CIB2: variants seen among roughly 807,000 people sequenced by gnomAD.
CIB2 encodes calcium and integrin binding family member 2.
CIB2 carries 19 observed loss-of-function variants against 23.1 expected under a neutral mutation model. The ratio of observed to expected loss-of-function variants is 0.82; its 90% CI spans 0.57 to 1.21. The LOEUF is 1.21. CIB2 is among the 50% of genes most tolerant of loss of function. The pLI is 0.00. For missense variants in CIB2, 220 were observed against 241.5 expected (o/e 0.91, Z 0.59); for synonymous variants, 94 against 91.7 (o/e 1.03, Z -0.14).
chr15:78,130,228 G>A (rs140710969), intron 1 of CIB2, among the ~76,000 whole-genome samples: 286 of 150,406 alleles, frequency 1.9e-3, no homozygotes, highest in African/African-American at 7.0e-3. Context: ...GACTTGAAGG[G>A]TGAAAGAGAT....
chr15:78,112,288 T>A (rs962561340), intron 2 of CIB2, among the ~76,000 whole-genome samples: 6 of 152,192 alleles, frequency 3.9e-5, no homozygotes, highest in African/African-American at 1.4e-4. Context: ...CATTGTGAGC[T>A]GCATGTGGTG....
chr15:78,120,530 A>G (rs1427623039), intron 2 of CIB2: 4 of 985,144 alleles, frequency 4.1e-6, no homozygotes, highest in Non-Finnish European at 4.8e-6. Flanking sequence ...GCACAGCCTA[A>G]TTAGGGCACA....
intron 1 of CIB2, among the ~76,000 whole-genome samples, chr15:78,126,892 T>C (rs934921393): frequency 4.6e-5 from 7 of 152,220 alleles, no homozygotes; most frequent in African/African-American, 1.4e-4. Flanking sequence ...GTAGTGAATA[T>C]GGCAGGTGTT....
intron 5 of CIB2, 27 bp downstream of exon 5, chr15:78,105,712 C>T (rs990957606): frequency 1.2e-6 from 2 of 1,613,498 alleles, no homozygotes; most frequent in African/African-American, 2.7e-5. Flanking sequence ...CTGCCCTGCC[C>T]AAGCCCGGCC....
intron 2 of CIB2, among the ~76,000 whole-genome samples, chr15:78,122,185 G>C (rs1361788976): frequency 1.3e-5 from 2 of 152,246 alleles, no homozygotes; most frequent in African/African-American, 2.4e-5. Flanking sequence ...TAGCACTAGG[G>C]TGGCAGGGTG....
At chr15:78,123,822 A>T in intron 1 of CIB2, 83 bp from the exon 2 acceptor site, 1 of 1,489,338 alleles carries the variant, frequency 6.7e-7, no homozygotes, top group South Asian at 1.1e-5. Context: ...CACAGGGCTC[A>T]CAGGGGATAG....
chr15:78,109,954 T>C (rs2141888876), intron 3 of CIB2, among the ~76,000 whole-genome samples: 1 of 152,124 alleles, frequency 6.6e-6, no homozygotes. Context: ...TAGGGCTCTG[T>C]CCCCAGCAGA....
chr15:78,111,260 A>C lies in CIB2; in HGVS notation c.103T>G (p.Tyr35Asp). 1 of 1,614,042 alleles carries C rather than the reference A, an allele frequency of 6.2e-7. No homozygotes were observed. Among genetic ancestry groups the C allele is most frequent in the East Asian group, 2.2e-5 (1 of 44,876 alleles). Residue 35 changes from tyrosine (Y) to aspartate (D), a missense_variant, in exon 3 of 6, where the codon TAT becomes GAT. By Grantham distance (160) the Tyr-to-Asp change is radical. Coordinates refer to ENST00000258930, the MANE Select transcript of CIB2 (RefSeq NM_006383.4). ...GGGACGAGGTTGGGGGCCAGCTCAT[A>C]GAATCGCGAATGCAGCCTTGGAGGA... ...KDILKLHSRF[Y>D]ELAPNLVPMD...
intron 3 of CIB2, 119 bp downstream of exon 3, chr15:78,111,046 T>A: frequency 1.2e-6 from 1 of 824,108 alleles, no homozygotes; most frequent in Admixed American, 1.8e-5. Context: ...GGTTCTGTGA[T>A]CTGCTCAGAG....
chr15:78,113,188 C>A (rs141204684), intron 2 of CIB2, among the ~76,000 whole-genome samples: 192 of 152,346 alleles, frequency 1.3e-3, no homozygotes, highest in African/African-American at 4.5e-3. Context: ...GTAAGCACAT[C>A]ATCTGCTGGT....
intron 4 of CIB2, among the ~76,000 whole-genome samples, chr15:78,107,626 A>G (rs1239724783): frequency 6.6e-6 from 1 of 152,104 alleles, no homozygotes; most frequent in Non-Finnish European, 1.5e-5. Context: ...TCTTCCATGT[A>G]TTCCTGTGCC....
chr15:78,106,673 G>C (rs375866554), intron 4 of CIB2, among the ~76,000 whole-genome samples: 256 of 152,214 alleles, frequency 1.7e-3, no homozygotes, highest in African/African-American at 5.9e-3. Flanking sequence ...CGCATGTGCT[G>C]TTTCTTCTGC....
At chr15:78,130,060 A>G (rs1264173564) in intron 1 of CIB2, among the ~76,000 whole-genome samples, 1 of 152,158 alleles carries the variant, frequency 6.6e-6, no homozygotes, top group African/African-American at 2.4e-5. Flanking sequence ...GAGGACCCAC[A>G]CTTCACACCT....
chr15:78,115,102 T>C (rs556219182), intron 2 of CIB2, among the ~76,000 whole-genome samples: 251 of 152,272 alleles, frequency 1.6e-3, no homozygotes, highest in African/African-American at 5.7e-3. Flanking sequence ...ACTGTATATG[T>C]GAATACAGAA....
chr15:78,126,829 T>C (rs1172482008), intron 1 of CIB2, among the ~76,000 whole-genome samples: 1 of 152,230 alleles, frequency 6.6e-6, no homozygotes, highest in Non-Finnish European at 1.5e-5. Flanking sequence ...TGTTTCACTT[T>C]TTCTTCTGTT....
intron 2 of CIB2, among the ~76,000 whole-genome samples, chr15:78,119,385 T>C (rs1248676437): frequency 2.0e-5 from 3 of 152,212 alleles, no homozygotes; most frequent in South Asian, 2.1e-4. Context: ...GCTGCTATGA[T>C]TGTGGGTGTA....
intron 2 of CIB2, among the ~76,000 whole-genome samples, chr15:78,115,077 A>G (rs899172125): frequency 6.6e-6 from 1 of 152,222 alleles, no homozygotes; most frequent in African/African-American, 2.4e-5. Flanking sequence ...GACCAATTTG[A>G]TAGATGCATT....
intron 3 of CIB2, chr15:78,110,787 G>A: frequency 2.2e-6 from 1 of 461,052 alleles, no homozygotes; most frequent in Non-Finnish European, 4.3e-6. Context: ...GAGAAATGAT[G>A]CTATGGATGA....
At chr15:78,130,304 G>T (rs750933378) in intron 1 of CIB2, among the ~76,000 whole-genome samples, 2 of 152,186 alleles carry the variant, frequency 1.3e-5, no homozygotes, top group Non-Finnish European at 2.9e-5. Flanking sequence ...GAGGGAGGGA[G>T]GAATGAGCCT....
Sources: gnomAD v4.1 joint callset for allele counts (sites outside exome capture counted in the v4.1 genomes callset) on GRCh38, gnomAD v4.1.1 for gene constraint, MANE v1.5 for transcripts, NCBI Gene and HGNC (gene_info 2026-07-23, HGNC 2026-07-21) for gene names.